The following ZEB1 variants were observed in gnomAD, a reference collection of about 807,000 sequenced individuals.
The protein encoded by ZEB1 is zinc finger E-box-binding homeobox 1.
A neutral mutation model predicts 84.9 loss-of-function variants in ZEB1; 21 were observed. That is an observed-to-expected ratio of 0.25 (90% CI 0.18 to 0.36). The LOEUF (loss-of-function observed/expected upper bound fraction) is 0.36, where lower values mean the gene tolerates loss of function less well. ZEB1 is among the 10% of genes least tolerant of loss of function. The pLI is 1.00. For synonymous variants in ZEB1, 420 were observed against 471.1 expected, an observed-to-expected ratio of 0.89 and a Z score of 1.41; for missense variants, 1,104 against 1,330.2, an observed-to-expected ratio of 0.83 and a Z score of 2.65.
intron 4 of ZEB1, among the ~76,000 whole-genome samples, chr10:31,504,543 G>T (rs1190299845): frequency 6.6e-6 from 1 of 152,022 alleles, no homozygotes; most frequent in East Asian, 1.9e-4. Context: ...ATCGCTCTGG[G>T]CAATATGATC....
chr10:31,385,136 A>G (rs1404901760), intron 1 of ZEB1, among the ~76,000 whole-genome samples: 1 of 152,200 alleles, frequency 6.6e-6, no homozygotes, highest in African/African-American at 2.4e-5. Context: ...ATTATTTGTG[A>G]AATGTGGAAA....
chr10:31,337,993 A>C (rs1261595124), intron 1 of ZEB1, among the ~76,000 whole-genome samples: 2 of 151,842 alleles, frequency 1.3e-5, no homozygotes, highest in Non-Finnish European at 2.9e-5. Flanking sequence ...TAAGCATAAT[A>C]ATTTCTAACC....
At chr10:31,516,538 GTAAAAAAAA>G (rs1256280405) in intron 6 of ZEB1, among the ~76,000 whole-genome samples, 1 of 42,234 alleles carries the variant, frequency 2.4e-5, no homozygotes, top group Admixed American at 3.4e-4. Context: ...GTGTCTGTAA[GTAAAAAAAA>G]AAAAAAAAAA....
intron 1 of ZEB1, among the ~76,000 whole-genome samples, chr10:31,415,680 A>C (rs547751381): frequency 5.7e-4 from 86 of 152,212 alleles, no homozygotes; most frequent in South Asian, 2.3e-3. Flanking sequence ...GGATTGTTCT[A>C]AATATATATA....
intron 2 of ZEB1, among the ~76,000 whole-genome samples, chr10:31,464,009 T>C (rs2062100092): frequency 6.6e-6 from 1 of 152,178 alleles, no homozygotes; most frequent in Non-Finnish European, 1.5e-5. Flanking sequence ...AATCAGATGG[T>C]TATCTGCTAT....
At chr10:31,469,473 T>A (rs2062891001) in intron 2 of ZEB1, among the ~76,000 whole-genome samples, 1 of 152,048 alleles carries the variant, frequency 6.6e-6, no homozygotes, top group African/African-American at 2.4e-5. Flanking sequence ...GAAAATCGGG[T>A]CACTCCCACC....
At chr10:31,362,436 CAGACG>C (rs1200379663) in intron 1 of ZEB1, among the ~76,000 whole-genome samples, 1 of 151,470 alleles carries the variant, frequency 6.6e-6, no homozygotes, top group Non-Finnish European at 1.5e-5. Flanking sequence ...CCTCGCTTCG[CAGACG>C]GGACGGTGGC....
At chr10:31,432,566 G>A (rs143325827) in intron 1 of ZEB1, among the ~76,000 whole-genome samples, 70 of 152,272 alleles carry the variant, frequency 4.6e-4, no homozygotes, top group Non-Finnish European at 9.0e-4. Context: ...TCCAGCGTGA[G>A]CAACAGAGCG....
intron 1 of ZEB1, among the ~76,000 whole-genome samples, chr10:31,404,037 A>C (rs1414501579): frequency 6.6e-6 from 1 of 152,108 alleles, no homozygotes; most frequent in Non-Finnish European, 1.5e-5. Context: ...TATATTTACT[A>C]TATTAAATTT....
Position 31,526,882 on chromosome 10 carries a change from A to T in ZEB1, c.2996A>T (p.Gln999Leu), listed in dbSNP as rs1208587856. The change falls in exon 9 of 9, where the codon CAG becomes CTG. Residue 999 changes from glutamine (Q) to leucine (L), a missense_variant. Coordinates refer to ENST00000424869, the MANE Select transcript of ZEB1 (RefSeq NM_001174096.2). ...REAEERDSTE[Q>L]EEAGPEILSN... ...GCGGAAGAACGTGACAGCACAGAGC[A>T]GGAAGAGGCAGGGCCTGAAATCCTC... 1 of 1,614,064 alleles carries T rather than the reference A, an allele frequency of 6.2e-7. No individual in the cohort carries two copies.
chr10:31,464,357 A>G (rs1171844702), intron 2 of ZEB1, among the ~76,000 whole-genome samples: 1 of 152,110 alleles, frequency 6.6e-6, no homozygotes, highest in Admixed American at 6.5e-5. Context: ...TATCTCAGAA[A>G]AAAAAGAAAA....
intron 1 of ZEB1, among the ~76,000 whole-genome samples, chr10:31,395,244 T>A (rs1318421835): frequency 6.6e-6 from 1 of 152,212 alleles, no homozygotes; most frequent in Non-Finnish European, 1.5e-5. Flanking sequence ...TCACTGTTCT[T>A]CACCTCTGAA....
chr10:31,445,238 A>C (rs2059605662), intron 1 of ZEB1, among the ~76,000 whole-genome samples: 1 of 148,706 alleles, frequency 6.7e-6, no homozygotes, highest in Non-Finnish European at 1.5e-5. Context: ...GTGTATAAGA[A>C]TGCTTGTGAT....
chr10:31,417,983 G>T (rs1362395642), intron 1 of ZEB1, among the ~76,000 whole-genome samples: 1 of 151,980 alleles, frequency 6.6e-6, no homozygotes, highest in Non-Finnish European at 1.5e-5. Context: ...AGAGTACCTA[G>T]TCTCTTCTAG....
chr10:31,492,718 T>G (rs73262048), intron 2 of ZEB1, among the ~76,000 whole-genome samples: 3 of 152,018 alleles, frequency 2.0e-5, no homozygotes, highest in African/African-American at 7.2e-5. Context: ...AGTTTTTGAA[T>G]TTAACACATA....
intron 4 of ZEB1, among the ~76,000 whole-genome samples, chr10:31,505,204 A>T (rs115166137): frequency 0.014 from 2,158 of 151,762 alleles, 50 homozygotes; most frequent in African/African-American, 0.049. Context: ...TTTTTTGAGG[A>T]TTTTGTATCT....
chr10:31,402,401 A>T (rs1420266237), intron 1 of ZEB1, among the ~76,000 whole-genome samples: 2 of 152,112 alleles, frequency 1.3e-5, no homozygotes, highest in Non-Finnish European at 2.9e-5. Flanking sequence ...GATGATCAGG[A>T]AGAAGAGCTG....
At chr10:31,440,892 C>A (rs2058868838) in intron 1 of ZEB1, among the ~76,000 whole-genome samples, 1 of 152,042 alleles carries the variant, frequency 6.6e-6, no homozygotes, top group African/African-American at 2.4e-5. Context: ...AACCACTGGT[C>A]AAGGAAATAA....
intron 4 of ZEB1, among the ~76,000 whole-genome samples, chr10:31,506,004 CCTT>C (rs1404761616): frequency 1.3e-5 from 2 of 151,686 alleles, no homozygotes; most frequent in South Asian, 2.1e-4. Flanking sequence ...AAATTTTCCT[CCTT>C]ATTTCTTCCT....
Sources: gnomAD v4.1 joint callset for allele counts (sites outside exome capture counted in the v4.1 genomes callset) on GRCh38, gnomAD v4.1.1 for gene constraint, MANE v1.5 for transcripts, NCBI Gene and HGNC (gene_info 2026-07-23, HGNC 2026-07-21) for gene names.